The following HIBADH variants were observed in gnomAD, a reference collection of about 807,000 sequenced individuals.
The protein encoded by HIBADH is 3-hydroxyisobutyrate dehydrogenase, mitochondrial.
In HIBADH, 25 loss-of-function variants were observed where a neutral mutation model predicts 36.1. The ratio of observed to expected loss-of-function variants is 0.69; its 90% CI spans 0.50 to 0.97. HIBADH has a LOEUF of 0.97. Ranked by LOEUF, HIBADH falls within the 50% of genes least tolerant of loss-of-function variation. The probability of loss-of-function intolerance (pLI) is 0.00; values close to 1 mark genes in which losing one functional copy is unlikely to be tolerated. For synonymous variants in HIBADH, 160 were observed against 149.5 expected, an observed-to-expected ratio of 1.07 and a Z score of -0.51; for missense variants, 421 against 418.0, an observed-to-expected ratio of 1.01 and a Z score of -0.06.
At chr7:27,542,438 GTTTTTTTTTTT>G (rs150575250) in intron 5 of HIBADH, among the ~76,000 whole-genome samples, 1 of 68,138 alleles carries the variant, frequency 1.5e-5, no homozygotes, top group East Asian at 5.8e-4. Flanking sequence ...TTTTTTTCCC[GTTTTTTTTTTT>G]TTTTTTTTTT....
intron 4 of HIBADH, among the ~76,000 whole-genome samples, chr7:27,568,296 T>C (rs1784577963): frequency 6.6e-6 from 1 of 152,232 alleles, no homozygotes; most frequent in Admixed American, 6.5e-5. Flanking sequence ...TCCTGAAGCA[T>C]ATTTTTGTCA....
intron 4 of HIBADH, among the ~76,000 whole-genome samples, chr7:27,599,333 A>G (rs1028080223): frequency 6.6e-6 from 1 of 152,218 alleles, no homozygotes; most frequent in Non-Finnish European, 1.5e-5. Flanking sequence ...CAATTAGATC[A>G]ATTTCCCTTC....
At chr7:27,650,477 T>TTTAC (rs1392323424) in intron 1 of HIBADH, among the ~76,000 whole-genome samples, 1 of 128,338 alleles carries the variant, frequency 7.8e-6, no homozygotes, top group African/African-American at 3.3e-5. Context: ...TATTTATTTA[T>TTTAC]TTATTTATTT....
At chr7:27,594,678 C>T (rs1233091016) in intron 4 of HIBADH, among the ~76,000 whole-genome samples, 1 of 151,736 alleles carries the variant, frequency 6.6e-6, no homozygotes. Context: ...AAATTCTGAG[C>T]GAGGGAAAAA....
intron 4 of HIBADH, among the ~76,000 whole-genome samples, chr7:27,580,271 T>C (rs1583579718): frequency 4.6e-5 from 7 of 152,320 alleles, no homozygotes; most frequent in African/African-American, 2.4e-5. Context: ...GTCTTCCAAG[T>C]AGCAGTAATG....
chr7:27,598,241 T>A (rs1355033268), intron 4 of HIBADH, among the ~76,000 whole-genome samples: 1 of 152,186 alleles, frequency 6.6e-6, no homozygotes, highest in Admixed American at 6.5e-5. Context: ...GCTACATGAA[T>A]GGGAGAATTG....
chr7:27,602,285 A>G (rs747350470), intron 4 of HIBADH, among the ~76,000 whole-genome samples: 28 of 152,178 alleles, frequency 1.8e-4, no homozygotes, highest in Non-Finnish European at 3.7e-4. Context: ...GTACTTAATT[A>G]ATCAGTTGAC....
intron 4 of HIBADH, among the ~76,000 whole-genome samples, chr7:27,571,524 T>A (rs1053169250): frequency 2.6e-5 from 4 of 152,168 alleles, no homozygotes; most frequent in Non-Finnish European, 5.9e-5. Context: ...TGCTCCAGGC[T>A]ATCTTTTATT....
At chr7:27,630,863 G>A (rs1363404368) in intron 3 of HIBADH, among the ~76,000 whole-genome samples, 1 of 152,164 alleles carries the variant, frequency 6.6e-6, no homozygotes, top group East Asian at 1.9e-4. Context: ...TACTCCAAGA[G>A]TATGTAGGTT....
At position 27,662,792 on chromosome 7, in the gene HIBADH, G is replaced by C. The variant is rs547054649; in HGVS notation, c.-4C>G. Reference sequence around the variant, plus strand: ...GGAGCCGTAAGGAGGCTGCCATGCTGCGCCCGCCCCTCTCCCCGCGGTGAC... The same window carrying C: ...GGAGCCGTAAGGAGGCTGCCATGCTCCGCCCGCCCCTCTCCCCGCGGTGAC... On this transcript the variant is annotated 5_prime_UTR_variant, in exon 1 of 8. Coordinates refer to ENST00000265395, the MANE Select transcript of HIBADH (RefSeq NM_152740.4). 6.8e-7 allele frequency: 1 copy of C among 1,466,150 alleles called. No individual in the cohort carries two copies. Among genetic ancestry groups the C allele is most frequent in the African/African-American group, 1.5e-5 (1 of 68,064 alleles). The allele number at this position is 1,466,150 out of a possible 1,614,324, so 90.8% of individuals were successfully genotyped here.
At chr7:27,609,651 A>G (rs1785291013) in intron 4 of HIBADH, among the ~76,000 whole-genome samples, 2 of 152,178 alleles carry the variant, frequency 1.3e-5, no homozygotes, top group South Asian at 4.1e-4. Context: ...AAGAGTTACT[A>G]AAGTTTTAAA....
intron 4 of HIBADH, among the ~76,000 whole-genome samples, chr7:27,587,319 C>T (rs1225748911): frequency 6.6e-6 from 1 of 152,116 alleles, no homozygotes; most frequent in Non-Finnish European, 1.5e-5. Flanking sequence ...ACCTTCTAAT[C>T]AGACATGAAG....
chr7:27,564,681 T>C (rs1219367235), intron 4 of HIBADH, among the ~76,000 whole-genome samples: 1 of 152,238 alleles, frequency 6.6e-6, no homozygotes, highest in Non-Finnish European at 1.5e-5. Flanking sequence ...AATTTCTCTA[T>C]AGATGCAATA....
chr7:27,531,312 T>C lies in HIBADH; in HGVS notation c.732A>G (p.Leu244=), dbSNP rs1783996532. 2 of 1,613,574 alleles carry C rather than the reference T, an allele frequency of 1.2e-6. No individual in the cohort carries two copies. The highest frequency in any genetic ancestry group is 1.3e-5 in the African/African-American group (1 of 75,030). The change falls in exon 7 of 8, where the codon CTA becomes CTG. Residue 244 remains leucine (L), a synonymous_variant. Transcript: ENST00000265395. ...GLDPKLLAKI[L]NMSSGRCWSS... is the part of the protein sequence containing the mutation. ...ACCAACACCGTCCTGAGCTCATATTTAGGATTTTAGCCAGTAGTTTTGGGT... is the reference window on the plus strand; with the variant it reads ...ACCAACACCGTCCTGAGCTCATATTCAGGATTTTAGCCAGTAGTTTTGGGT...
At chr7:27,661,839 GAA>G (rs1786426902) in intron 1 of HIBADH, among the ~76,000 whole-genome samples, 1 of 152,068 alleles carries the variant, frequency 6.6e-6, no homozygotes, top group Admixed American at 6.5e-5. Flanking sequence ...GAAAGTTAAG[GAA>G]TTAGGAACAA....
At chr7:27,620,077 T>G (rs1246606420) in intron 4 of HIBADH, among the ~76,000 whole-genome samples, 1 of 152,130 alleles carries the variant, frequency 6.6e-6, no homozygotes, top group Non-Finnish European at 1.5e-5. Context: ...TCCCAACACT[T>G]TAGGAAGCCA....
chr7:27,584,437 C>G (rs1177263654), intron 4 of HIBADH, among the ~76,000 whole-genome samples: 1 of 152,034 alleles, frequency 6.6e-6, no homozygotes, highest in Non-Finnish European at 1.5e-5. Context: ...TTCATATGGT[C>G]AGATACAAGT....
chr7:27,533,753 T>C (rs1784034054), intron 6 of HIBADH, among the ~76,000 whole-genome samples: 1 of 152,160 alleles, frequency 6.6e-6, no homozygotes, highest in Admixed American at 6.6e-5. Flanking sequence ...AATCAACAAA[T>C]TAATCCAAGA....
At chr7:27,631,071 T>C (rs1016441588) in intron 3 of HIBADH, among the ~76,000 whole-genome samples, 5 of 152,208 alleles carry the variant, frequency 3.3e-5, no homozygotes, top group Admixed American at 6.5e-5. Context: ...AGTCAAACTT[T>C]TTAAAAACAC....
Sources: gnomAD v4.1 joint callset for allele counts (sites outside exome capture counted in the v4.1 genomes callset) on GRCh38, gnomAD v4.1.1 for gene constraint, MANE v1.5 for transcripts, NCBI Gene and HGNC (gene_info 2026-07-23, HGNC 2026-07-21) for gene names.